CATSPERT: variants seen among roughly 807,000 people sequenced by gnomAD.
CATSPERT encodes the protein catsper channel auxiliary subunit tau.
chr2:201,563,439 G>A, the CATSPERT span, among the ~76,000 whole-genome samples: 7 of 46,296 alleles, frequency 1.5e-4, no homozygotes, highest in African/African-American at 3.6e-4. Context: ...CCTCCCTCCC[G>A]GACGGGGCGG....
chr2:201,490,036 T>G, the CATSPERT span, among the ~76,000 whole-genome samples: 1 of 152,114 alleles, frequency 6.6e-6, no homozygotes, highest in South Asian at 2.1e-4. Context: ...TTTGTACTTT[T>G]AGTAGAGATG....
chr2:201,562,788 C>T, the CATSPERT span, among the ~76,000 whole-genome samples: 87,703 of 91,570 alleles, frequency 0.96, 42,127 homozygotes, highest in Non-Finnish European at 1. Context: ...TCCATTTAAC[C>T]CTGAGTGGAC....
At chr2:201,582,207 C>T in the CATSPERT span, 31 of 1,586,878 alleles carry the variant, frequency 2.0e-5, no homozygotes, top group East Asian at 4.5e-5. Context: ...ATCATCATAA[C>T]GTCTGGGAAC....
the CATSPERT span, chr2:201,487,883 T>A: frequency 1.2e-6 from 2 of 1,608,634 alleles, no homozygotes; most frequent in African/African-American, 2.7e-5. Flanking sequence ...ATGTAAATCC[T>A]CAAATTTATC....
the CATSPERT span, among the ~76,000 whole-genome samples, chr2:201,514,187 T>A: frequency 6.6e-6 from 1 of 152,110 alleles, no homozygotes; most frequent in Non-Finnish European, 1.5e-5. Context: ...GGAGAATATT[T>A]CCCAACTCAT....
chr2:201,610,686 C>A, the CATSPERT span, among the ~76,000 whole-genome samples: 1 of 151,956 alleles, frequency 6.6e-6, no homozygotes, highest in East Asian at 1.9e-4. Context: ...GGTCAATATC[C>A]CTAATGAACA....
At chr2:201,568,980 A>T in the CATSPERT span, among the ~76,000 whole-genome samples, 2 of 152,144 alleles carry the variant, frequency 1.3e-5, no homozygotes, top group African/African-American at 4.8e-5. Flanking sequence ...AGCTCCATAA[A>T]TCCTTACTCA....
the CATSPERT span, among the ~76,000 whole-genome samples, chr2:201,599,253 C>G: frequency 6.6e-6 from 1 of 152,206 alleles, no homozygotes; most frequent in East Asian, 1.9e-4. Context: ...TTCCACCCCA[C>G]TCACCCCCTA....
At chr2:201,600,634 G>A in the CATSPERT span, among the ~76,000 whole-genome samples, 479 of 152,104 alleles carry the variant, frequency 3.1e-3, no homozygotes, top group Middle Eastern at 6.8e-3. Context: ...AACAGATAAA[G>A]TCTGAAAAAT....
At chr2:201,515,201 AGTTTTTTTTTTTTTTTTTTTTTT>A in the CATSPERT span, among the ~76,000 whole-genome samples, 22 of 70,272 alleles carry the variant, frequency 3.1e-4, 4 homozygotes, top group East Asian at 2.4e-3. Flanking sequence ...ATCTGCCCAT[AGTTTTTTTTTTTTTTTTTTTTTT>A]TTTTTTTTTT....
At chr2:201,614,498 C>A in the CATSPERT span, among the ~76,000 whole-genome samples, 1 of 152,144 alleles carries the variant, frequency 6.6e-6, no homozygotes, top group African/African-American at 2.4e-5. Context: ...CCTTTACAGA[C>A]AAACAAATGC....
chr2:201,557,919 A>C, the CATSPERT span: 2 of 152,308 alleles, frequency 1.3e-5, no homozygotes, highest in South Asian at 2.1e-4. Flanking sequence ...GATGACCAGG[A>C]TATTAAAAAA....
chr2:201,608,832 A>G, the CATSPERT span, among the ~76,000 whole-genome samples: 1 of 135,300 alleles, frequency 7.4e-6, no homozygotes, highest in Admixed American at 7.5e-5. Flanking sequence ...AAAAAAAAGA[A>G]AGAAACAAAC....
the CATSPERT span, chr2:201,556,858 AAAAT>A: frequency 2.6e-5 from 4 of 151,394 alleles, no homozygotes; most frequent in Admixed American, 2.0e-4. Context: ...ATAAATAATA[AAAAT>A]AAATAAAAGC....
At chr2:201,508,807 C>T in the CATSPERT span, among the ~76,000 whole-genome samples, 6 of 138,964 alleles carry the variant, frequency 4.3e-5, no homozygotes, top group East Asian at 2.0e-4. Context: ...TAGCATGTGA[C>T]GAGATTTCTT....
At chr2:201,537,589 A>T in the CATSPERT span, 7 of 823,154 alleles carry the variant, frequency 8.5e-6, no homozygotes, top group Non-Finnish European at 1.3e-5. Flanking sequence ...AACAAAGAGC[A>T]ACTTAAATCA....
chr2:201,535,837 G>C, the CATSPERT span: 1 of 1,463,866 alleles, frequency 6.8e-7, no homozygotes, highest in African/African-American at 1.4e-5. Context: ...CAGACACCTT[G>C]AGCTCAAGGC....
the CATSPERT span, among the ~76,000 whole-genome samples, chr2:201,569,781 TTC>T: frequency 1.3e-5 from 2 of 152,194 alleles, no homozygotes; most frequent in Non-Finnish European, 1.5e-5. Context: ...AATCGAGCAT[TTC>T]TAGCTAATTC....
At chr2:201,599,873 C>T in the CATSPERT span, among the ~76,000 whole-genome samples, 1 of 152,126 alleles carries the variant, frequency 6.6e-6, no homozygotes, top group South Asian at 2.1e-4. Flanking sequence ...TGAGAATTTG[C>T]CAATGAAGCT....
Sources: allele counts gnomAD v4.1 joint callset (sites outside exome capture counted in the v4.1 genomes callset), GRCh38; gene constraint gnomAD v4.1.1; transcripts MANE v1.5; gene names NCBI Gene and HGNC (gene_info 2026-07-23, HGNC 2026-07-21).